The following ZNF710 variants were observed in gnomAD, a reference collection of about 807,000 sequenced individuals.
ZNF710 encodes zinc finger protein 710.
A neutral mutation model predicts 50.6 loss-of-function variants in ZNF710; 13 were observed. That is an observed-to-expected ratio of 0.26 (90% CI 0.17 to 0.41). The LOEUF is 0.41. Ranked by LOEUF, ZNF710 falls within the 10% of genes least tolerant of loss-of-function variation. The pLI is 1.00. For missense variants in ZNF710, 721 were observed against 936.6 expected (o/e 0.77, Z 3.01); for synonymous variants, 383 against 397.0 (o/e 0.96, Z 0.42).
chr15:90,013,208 C>T (rs1451455354), intron 1 of ZNF710, among the ~76,000 whole-genome samples: 4 of 152,186 alleles, frequency 2.6e-5, no homozygotes, highest in Non-Finnish European at 5.9e-5. Flanking sequence ...TCAAGTGATT[C>T]TCCTGGCTCA....
rs531175791 is a variant in ZNF710, at chr15:90,057,558, G to A, written c.-28-9552G>A. ...TAAAAAATCCAAAAATGAGCCAGGC[G>A]TGGTGGCGCGCTCCTGTAGTCCCAG... On this transcript the variant is annotated intron_variant, in intron 1 of 4. Transcript: ENST00000268154. 1.1e-4 allele frequency among the ~76,000 whole-genome samples: 17 copies of A among 152,120 alleles called. No homozygotes were observed. In the East Asian group the frequency reaches 2.3e-3, roughly 21 times the overall value.
Position 90,074,151 on chromosome 15 carries a change from G to A in ZNF710, c.1686G>A (p.Leu562=). ...AGTCCTTCAACCGCATGTACAACCT[G>A]CTGGGCCACATGCACCTGCACGCCG... is the stretch of plus-strand genomic sequence containing the variant. ...CGKSFNRMYN[L]LGHMHLHAGS... Residue 562 remains leucine, a synonymous_variant, in exon 4 of 5, where the codon CTG becomes CTA. Coordinates refer to ENST00000268154, the MANE Select transcript of ZNF710 (RefSeq NM_198526.4). 2 of 1,613,848 alleles carry A rather than the reference G, an allele frequency of 1.2e-6. No homozygotes were observed. The highest frequency in any genetic ancestry group is 8.5e-7 in the Non-Finnish European group (1 of 1,179,908).
In ZNF710 at chr15:90,030,329, CAAA is replaced by C. The variant is rs10685083; in HGVS notation, c.-29+28737_-29+28739del. Among the ~76,000 whole-genome samples the C allele has an allele frequency of 1.1e-3, 54 of 50,508 alleles. 1 individual carries two copies. The highest frequency in any genetic ancestry group is 0.01 in the South Asian group (12 of 1,184). 33.1% of individuals were successfully genotyped at this position (50,508 alleles called of 152,430 possible). On this transcript the variant is annotated intron_variant, in intron 1 of 4. Transcript: ENST00000268154. The stretch of plus-strand genomic sequence containing the variant: ...GGGCAACAAGAGCAAAACTCCATCT[CAAA>C]AAAAAAAAAAAAAAAAAAAAAGAAA...
At position 90,065,625 on chromosome 15, in the gene ZNF710, C is replaced by G. The variant is rs148306766; in HGVS notation, c.-28-1485C>G. Among the ~76,000 whole-genome samples the G allele has an allele frequency of 3.3e-4, 51 of 152,294 alleles. No individual in the cohort carries two copies. In the East Asian group the frequency reaches 6.9e-3, roughly 21 times the overall value. On this transcript the variant is annotated intron_variant, in intron 1 of 4. Coordinates refer to ENST00000268154, the MANE Select transcript of ZNF710 (RefSeq NM_198526.4). Reference sequence around the variant, plus strand: ...TGGGAAGACCCATGGGTGAAAAGACCGGGCTCCACAGACGGCTCACGGAGC... The same window carrying G: ...TGGGAAGACCCATGGGTGAAAAGACGGGGCTCCACAGACGGCTCACGGAGC...
intron 1 of ZNF710, among the ~76,000 whole-genome samples, chr15:90,014,692 A>G (rs1022726368): frequency 6.6e-6 from 1 of 152,240 alleles, no homozygotes; most frequent in Admixed American, 6.5e-5. Flanking sequence ...CCCAGAAGTC[A>G]TAAGAGAAAA....
At chr15:90,021,411 A>G (rs1898618350) in intron 1 of ZNF710, among the ~76,000 whole-genome samples, 1 of 152,166 alleles carries the variant, frequency 6.6e-6, no homozygotes. Flanking sequence ...TCATGAGCCT[A>G]CTTTTCATAG....
At chr15:90,005,434 A>T (rs1286943935) in intron 1 of ZNF710, among the ~76,000 whole-genome samples, 1 of 152,110 alleles carries the variant, frequency 6.6e-6, no homozygotes, top group Non-Finnish European at 1.5e-5. Context: ...TGTGCAAAAC[A>T]ATAGGTTTTT....
At chr15:90,013,420 G>T (rs149429908) in intron 1 of ZNF710, among the ~76,000 whole-genome samples, 9 of 152,254 alleles carry the variant, frequency 5.9e-5, no homozygotes, top group African/African-American at 1.4e-4. Flanking sequence ...TGTGATTTTT[G>T]ATTGCAAGCT....
At chr15:90,048,524 C>T (rs749129430) in intron 1 of ZNF710, among the ~76,000 whole-genome samples, 6 of 152,000 alleles carry the variant, frequency 3.9e-5, no homozygotes, top group Non-Finnish European at 5.9e-5. Context: ...TTTCAGGGGT[C>T]GGGGCCAGCA....
chr15:90,011,181 C>T (rs1219328462), intron 1 of ZNF710, among the ~76,000 whole-genome samples: 1 of 152,170 alleles, frequency 6.6e-6, no homozygotes, highest in African/African-American at 2.4e-5. Flanking sequence ...CCACCCATCT[C>T]GGCCTCCCAA....
At chr15:90,072,517 G>C (rs1480635513) in intron 2 of ZNF710, among the ~76,000 whole-genome samples, 1 of 152,156 alleles carries the variant, frequency 6.6e-6, no homozygotes, top group Non-Finnish European at 1.5e-5. Context: ...CCATTTTTGG[G>C]GGGGTGTCCA....
chr15:90,061,943 G>C (rs566476195), intron 1 of ZNF710, among the ~76,000 whole-genome samples: 1 of 152,076 alleles, frequency 6.6e-6, no homozygotes, highest in Non-Finnish European at 1.5e-5. Context: ...CTGAGGAGAC[G>C]GCGTCCCTGC....
chr15:90,022,587 A>G (rs1898656700), intron 1 of ZNF710, among the ~76,000 whole-genome samples: 1 of 151,966 alleles, frequency 6.6e-6, no homozygotes, highest in Admixed American at 6.6e-5. Context: ...GCAAAGAAAC[A>G]CTATGGCGGA....
At chr15:90,074,414 A>G in intron 4 of ZNF710, 124 bp downstream of exon 4, 1 of 1,551,074 alleles carries the variant, frequency 6.4e-7, no homozygotes, top group Non-Finnish European at 8.6e-7. Flanking sequence ...GGGTGGGCTC[A>G]GGTCTGGAAG....
intron 1 of ZNF710, among the ~76,000 whole-genome samples, chr15:90,044,260 C>T (rs1041717431): frequency 6.6e-6 from 1 of 152,186 alleles, no homozygotes; most frequent in African/African-American, 2.4e-5. Context: ...TAGACATGGC[C>T]TTGGCATCCT....
At chr15:90,024,726 G>A (rs1294433980) in intron 1 of ZNF710, among the ~76,000 whole-genome samples, 1 of 152,204 alleles carries the variant, frequency 6.6e-6, no homozygotes, top group Non-Finnish European at 1.5e-5. Flanking sequence ...GCTTTCTTCT[G>A]AGGGTGGGCA....
chr15:90,039,895 C>G (rs1355621616), intron 1 of ZNF710, among the ~76,000 whole-genome samples: 1 of 152,236 alleles, frequency 6.6e-6, no homozygotes, highest in African/African-American at 2.4e-5. Context: ...AAAGTCCCCT[C>G]TTCGAGTCAC....
chr15:90,076,737 A>G (rs1048530840), intron 4 of ZNF710: 15 of 137,942 alleles, frequency 1.1e-4, no homozygotes, highest in Admixed American at 9.5e-4. Context: ...TGAGACTTTG[A>G]CTCAAAAAAA....
rs1322776997 is a variant in ZNF710, at chr15:90,081,175, G to GGGCTGCT, written c.*1348_*1354dup. The GGGCTGCT allele has an allele frequency of 1.3e-5, 2 of 152,482 alleles. No individual in the cohort carries two copies. The highest frequency in any genetic ancestry group is 2.9e-5 in the Non-Finnish European group (2 of 68,268). 9.4% of individuals were successfully genotyped at this position (152,482 alleles called of 1,614,324 possible). On this transcript the variant is annotated 3_prime_UTR_variant, in exon 5 of 5. Transcript: ENST00000268154. Reference sequence around the variant, plus strand: ...TCCCATGTCCCATCCTCGGCTGTCAGGGCTGCTGACTCTGCTCAGCCAACA... The same window carrying GGGCTGCT: ...TCCCATGTCCCATCCTCGGCTGTCAGGGCTGCTGGCTGCTGACTCTGCTCAGCCAACA...
Sources: gnomAD v4.1 joint callset for allele counts (sites outside exome capture counted in the v4.1 genomes callset) on GRCh38, gnomAD v4.1.1 for gene constraint, MANE v1.5 for transcripts, NCBI Gene and HGNC (gene_info 2026-07-23, HGNC 2026-07-21) for gene names.